The following KRTAP4-11 variants were observed in gnomAD, a reference collection of about 807,000 sequenced individuals.
KRTAP4-11 encodes the protein keratin-associated protein 4-11.
In KRTAP4-11, 3 loss-of-function variants were observed where a neutral mutation model predicts 3.4. The observed-to-expected ratio is 0.87, with a 90% confidence interval of 0.40 to 2.26. KRTAP4-11 has a LOEUF of 2.26. Ranked by LOEUF, KRTAP4-11 falls within the 30% of genes most tolerant of loss-of-function variation. KRTAP4-11 has a pLI of 0.05. For missense variants in KRTAP4-11, 248 were observed against 258.8 expected (o/e 0.96, Z 0.29); for synonymous variants, 94 against 89.4 (o/e 1.05, Z -0.29).
chr17:41,117,428 C>A lies in KRTAP4-11; in HGVS notation c.*300G>T. The A allele has an allele frequency of 1.9e-6, 1 of 539,508 alleles. No homozygotes were observed. Among genetic ancestry groups the A allele is most frequent in the East Asian group, 3.1e-5 (1 of 32,008 alleles). The allele number at this position is 539,508 out of a possible 1,614,324, so 33.4% of individuals were successfully genotyped here. ...CTCACTGGGAAGGATATTCTGTAGG[C>A]TCAAAACGATTTAAAAAATGAGGAA... On this transcript the variant is annotated 3_prime_UTR_variant, in exon 1 of 1. Coordinates refer to ENST00000391413, the MANE Select transcript of KRTAP4-11 (RefSeq NM_033059.4).
At position 41,117,203 on chromosome 17, in the gene KRTAP4-11, CA is replaced by C. The variant is rs1415439217; in HGVS notation, c.*524del. 1.3e-5 allele frequency: 2 copies of C among 155,718 alleles called. No individual in the cohort carries two copies. The highest frequency in any genetic ancestry group is 2.4e-5 in the African/African-American group (1 of 41,180). The allele number at this position is 155,718 out of a possible 1,614,324, so 9.6% of individuals were successfully genotyped here. On this transcript the variant is annotated 3_prime_UTR_variant, in exon 1 of 1. Coordinates refer to ENST00000391413, the MANE Select transcript of KRTAP4-11 (RefSeq NM_033059.4). ...AGATTTCTAAATGAAAAGTTTAATACAATATATTTTGTGAACACAATAAAGA... is the reference window on the plus strand; with the variant it reads ...AGATTTCTAAATGAAAAGTTTAATACATATATTTTGTGAACACAATAAAGA...
chr17:41,117,845 G>C lies in KRTAP4-11; in HGVS notation c.471C>G (p.Pro157=), dbSNP rs748725830. Residue 157 remains proline (P), a synonymous_variant, in exon 1 of 1, where the codon CCC becomes CCG. Transcript: ENST00000391413. ...PSCCESSCCR[P]CCCLRPVCGR... ...CACAGACTGGACGCAGGCAGCAGCA[G>C]GGGCGGCAGCAGCTGGATTCACAGC... 3.1e-6 allele frequency: 5 copies of C among 1,602,752 alleles called. No homozygotes were observed. Among genetic ancestry groups the C allele is most frequent in the Non-Finnish European group, 4.3e-6 (5 of 1,173,176 alleles).
In KRTAP4-11 at chr17:41,117,780, C is replaced by A. The variant is rs765159031; in HGVS notation, c.536G>T (p.Cys179Phe). 6.3e-7 allele frequency: 1 copy of A among 1,596,218 alleles called. No individual in the cohort carries two copies. ...GGGGCGGGGGCAGCTGGAGATGACA[C>A]AGGTTGGGCGATAGCAAGTGGTGTG... ...SCHTTCYRPTCVISSCPRPLC... is the reference protein window; with the variant it reads ...SCHTTCYRPTFVISSCPRPLC... The change falls in exon 1 of 1, where the codon TGT (cysteine) becomes TTT (phenylalanine). Residue 179 changes from cysteine (C) to phenylalanine (F), a missense_variant. Cys to Phe is a radical substitution (Grantham distance 205, BLOSUM62 -2). Around this residue, in one of 3 missense-constraint regions of KRTAP4-11, gnomAD observed 131 missense variants for 130.2 expected, o/e 1.01. Coordinates refer to ENST00000391413, the MANE Select transcript of KRTAP4-11 (RefSeq NM_033059.4).
rs753383539 is a variant in KRTAP4-11 at position 41,118,090 on chromosome 17, G to A, written c.226C>T (p.Arg76Cys). The change falls in exon 1 of 1, where the codon CGC (arginine) becomes TGC (cysteine). Residue 76 changes from arginine (R) to cysteine (C), a missense_variant. By Grantham distance (180) the Arg-to-Cys change is radical (BLOSUM62 -3). Transcript: ENST00000391413. The stretch of plus-strand genomic sequence containing the variant: ...CAGCTGGACACACAGCAGCTGGGGC[G>A]ACAGCAGCTGGAGATGCAGCATCTG... ...RPRCCISSCC[R>C]PSCCVSSCCK... 9.5e-6 allele frequency: 15 copies of A among 1,583,940 alleles called. No homozygotes were observed. The highest frequency in any genetic ancestry group is 2.3e-5 in the East Asian group (1 of 44,152).
chr17:41,117,666 C>A lies in KRTAP4-11; in HGVS notation c.*62G>T. The A allele has an allele frequency of 6.6e-7, 1 of 1,521,332 alleles. No individual in the cohort carries two copies. The highest frequency in any genetic ancestry group is 1.4e-5 in the African/African-American group (1 of 72,384). 94.2% of individuals were successfully genotyped at this position (1,521,332 alleles called of 1,614,324 possible). ...ACTCCATGTGTCCTAATAGTCAGCA[C>A]AGAAGAATGGTCTACAACTGTGGGC... On this transcript the variant is annotated 3_prime_UTR_variant, in exon 1 of 1. Coordinates refer to ENST00000391413, the MANE Select transcript of KRTAP4-11 (RefSeq NM_033059.4).
In KRTAP4-11 at chr17:41,117,956, GCAGCAGCTGGACACA is replaced by G. The variant is rs1220992049; in HGVS notation, c.345_359del (p.Val116_Cys120del). ...ACACAGACTGGCAGCACTGGGGTCT[GCAGCAGCTGGACACA>G]CAGCAGCTGGGGCGACAGCAGCTGG... On this transcript the variant is annotated inframe_deletion, in exon 1 of 1. Coordinates refer to ENST00000391413, the MANE Select transcript of KRTAP4-11 (RefSeq NM_033059.4). 2.0e-6 allele frequency: 3 copies of G among 1,505,390 alleles called. No homozygotes were observed. The highest frequency in any genetic ancestry group is 1.4e-5 in the African/African-American group (1 of 69,690). The allele number at this position is 1,505,390 out of a possible 1,614,324, so 93.3% of individuals were successfully genotyped here.
chr17:41,117,678 C>A lies in KRTAP4-11; in HGVS notation c.*50G>T. 2 of 1,535,040 alleles carry A rather than the reference C, an allele frequency of 1.3e-6. No homozygotes were observed. The highest frequency in any genetic ancestry group is 1.8e-6 in the Non-Finnish European group (2 of 1,138,564). ...CTAATAGTCAGCACAGAAGAATGGT[C>A]TACAACTGTGGGCCTGCAGTGAAGG... is the stretch of plus-strand genomic sequence containing the variant. On this transcript the variant is annotated 3_prime_UTR_variant, in exon 1 of 1. Coordinates refer to ENST00000391413, the MANE Select transcript of KRTAP4-11 (RefSeq NM_033059.4).
Position 41,118,289 on chromosome 17 carries a change from C to T in KRTAP4-11, c.27G>A (p.Val9=). The T allele has an allele frequency of 1.2e-6, 2 of 1,608,904 alleles. No homozygotes were observed. Among genetic ancestry groups the T allele is most frequent in the Middle Eastern group, 3.3e-4 (2 of 6,036 alleles). The change falls in exon 1 of 1, where the codon GTG becomes GTA. Residue 9 remains valine, a synonymous_variant. Transcript: ENST00000391413. MVNSCCGS[V]CSHQGCGRDL... ...CTCGGCCACAGCCTTGGTGAGAGCACACGGAGCCACAACAGGAGTTTACCA... is the reference window on the plus strand; with the variant it reads ...CTCGGCCACAGCCTTGGTGAGAGCATACGGAGCCACAACAGGAGTTTACCA...
Position 41,118,194 on chromosome 17 carries a change from C to A in KRTAP4-11, c.122G>T (p.Arg41Leu). 1.2e-6 allele frequency: 2 copies of A among 1,610,258 alleles called. No individual in the cohort carries two copies. Among genetic ancestry groups the A allele is most frequent in the East Asian group, 4.5e-5 (2 of 44,688 alleles). Reference sequence around the variant, plus strand: ...GCAGCTGGACACACAGCAGCTGGGGCGACAGTAGGTGGTCCTGCAGCAGGT... The same window carrying A: ...GCAGCTGGACACACAGCAGCTGGGGAGACAGTAGGTGGTCCTGCAGCAGGT... ...ETTCCRTTYC[R>L]PSCCVSSCCR... Residue 41 changes from arginine (R) to leucine (L), a missense_variant, in exon 1 of 1, where the codon CGC becomes CTC. Physicochemically the swap from Arg to Leu is moderately radical, Grantham distance 102 (BLOSUM62 -2). Around this residue, in one of 3 missense-constraint regions of KRTAP4-11, gnomAD observed 110 missense variants for 102.8 expected, o/e 1.07. Transcript: ENST00000391413.
In KRTAP4-11 at chr17:41,117,532, A is replaced by G. The variant is rs2014302399; in HGVS notation, c.*196T>C. The G allele has an allele frequency of 1.0e-5, 9 of 892,240 alleles. No individual in the cohort carries two copies. The highest frequency in any genetic ancestry group is 1.3e-5 in the Non-Finnish European group (8 of 600,240). 55.3% of individuals were successfully genotyped at this position (892,240 alleles called of 1,614,324 possible). On this transcript the variant is annotated 3_prime_UTR_variant, in exon 1 of 1. Transcript: ENST00000391413. ...TGGTGCCATGACTGGAAGAGAAAGAAAGCAAGGGAGGGAGTTTAAAATGAA... is the reference window on the plus strand; with the variant it reads ...TGGTGCCATGACTGGAAGAGAAAGAGAGCAAGGGAGGGAGTTTAAAATGAA...
At position 41,117,657 on chromosome 17, in the gene KRTAP4-11, TAGTC is replaced by T. The variant is rs2014305331; in HGVS notation, c.*67_*70del. On this transcript the variant is annotated 3_prime_UTR_variant, in exon 1 of 1. Transcript: ENST00000391413. Reference sequence around the variant, plus strand: ...ATCAATCCCACTCCATGTGTCCTAATAGTCAGCACAGAAGAATGGTCTACAACTG... The same window carrying T: ...ATCAATCCCACTCCATGTGTCCTAATAGCACAGAAGAATGGTCTACAACTG... 6.6e-7 allele frequency: 1 copy of T among 1,510,358 alleles called. No individual in the cohort carries two copies. Among genetic ancestry groups the T allele is most frequent in the Non-Finnish European group, 8.9e-7 (1 of 1,125,138 alleles). The allele number at this position is 1,510,358 out of a possible 1,614,324, so 93.6% of individuals were successfully genotyped here. A position where few individuals can be genotyped will look rare whatever the true frequency, so the allele number is the denominator to read the frequency against.
In KRTAP4-11 at chr17:41,117,941, G is replaced by A; in HGVS notation, c.375C>T (p.Cys125=). ...CVSSCCRPQC[C]QSVCCQPTCC... ...AGGTGGGCTGGCAGCACACAGACTGGCAGCACTGGGGTCTGCAGCAGCTGG... is the reference window on the plus strand; with the variant it reads ...AGGTGGGCTGGCAGCACACAGACTGACAGCACTGGGGTCTGCAGCAGCTGG... The change falls in exon 1 of 1, where the codon TGC becomes TGT. Residue 125 remains cysteine (C), a synonymous_variant. Coordinates refer to ENST00000391413, the MANE Select transcript of KRTAP4-11 (RefSeq NM_033059.4). The A allele has an allele frequency of 6.4e-7, 1 of 1,554,060 alleles. No individual in the cohort carries two copies. Among genetic ancestry groups the A allele is most frequent in the South Asian group, 1.2e-5 (1 of 84,052 alleles).
In KRTAP4-11 at chr17:41,118,186, A is replaced by G. The variant is rs761546690; in HGVS notation, c.130T>C (p.Cys44Arg). The change falls in exon 1 of 1, where the codon TGC becomes CGC. Residue 44 changes from cysteine (C) to arginine (R), a missense_variant. Physicochemically the swap from Cys to Arg is radical, Grantham distance 180 (BLOSUM62 -3). Transcript: ENST00000391413. ...GGCCTGCAGCAGCTGGACACACAGC[A>G]GCTGGGGCGACAGTAGGTGGTCCTG... Reference protein sequence around the residue: ...CCRTTYCRPSCCVSSCCRPQC... With the variant: ...CCRTTYCRPSRCVSSCCRPQC... The G allele has an allele frequency of 9.9e-6, 16 of 1,610,924 alleles. No homozygotes were observed. Among genetic ancestry groups the G allele is most frequent in the Admixed American group, 3.3e-5 (2 of 59,882 alleles).
chr17:41,117,928 A>T lies in KRTAP4-11; in HGVS notation c.388T>A (p.Cys130Ser). 1 of 1,600,754 alleles carries T rather than the reference A, an allele frequency of 6.2e-7. No homozygotes were observed. The highest frequency in any genetic ancestry group is 8.5e-7 in the Non-Finnish European group (1 of 1,173,536). The change falls in exon 1 of 1, where the codon TGC (cysteine) becomes AGC (serine). Residue 130 changes from cysteine (C) to serine (S), a missense_variant. Coordinates refer to ENST00000391413, the MANE Select transcript of KRTAP4-11 (RefSeq NM_033059.4). ...CRPQCCQSVC[C>S]QPTCCHPSCS... ...CTGGGGTGGCAGCAGGTGGGCTGGCAGCACACAGACTGGCAGCACTGGGGT... is the reference window on the plus strand; with the variant it reads ...CTGGGGTGGCAGCAGGTGGGCTGGCTGCACACAGACTGGCAGCACTGGGGT...
Position 41,117,524 on chromosome 17 carries a change from G to A in KRTAP4-11, c.*204C>T, listed in dbSNP as rs2014302289. ...TTCATATTTGGTGCCATGACTGGAAGAGAAAGAAAGCAAGGGAGGGAGTTT... is the reference window on the plus strand; with the variant it reads ...TTCATATTTGGTGCCATGACTGGAAAAGAAAGAAAGCAAGGGAGGGAGTTT... On this transcript the variant is annotated 3_prime_UTR_variant, in exon 1 of 1. Coordinates refer to ENST00000391413, the MANE Select transcript of KRTAP4-11 (RefSeq NM_033059.4). 2.4e-6 allele frequency: 2 copies of A among 823,286 alleles called. No homozygotes were observed. The highest frequency in any genetic ancestry group is 2.7e-5 in the East Asian group (1 of 36,626). The allele number at this position is 823,286 out of a possible 1,614,324, so 51.0% of individuals were successfully genotyped here.
At position 41,117,746 on chromosome 17, in the gene KRTAP4-11, A is replaced by G. The variant is rs150942763; in HGVS notation, c.570T>C (p.Cys190=). The G allele has an allele frequency of 0.024, 36,796 of 1,555,188 alleles. 1,457 individuals are homozygous for G. The highest frequency in any genetic ancestry group is 0.16 in the East Asian group (6,938 of 42,430). The change falls in exon 1 of 1, where the codon TGT becomes TGC. Residue 190 remains cysteine, a synonymous_variant. Transcript: ENST00000391413. ...VISSCPRPLC[C]ASSCC ...AGTGGGCTCAGCAGCAAGAGGAGGC[A>G]CAGCACAAGGGGCGGGGGCAGCTGG...
Position 41,118,269 on chromosome 17 carries a change from C to A in KRTAP4-11, c.47G>T (p.Gly16Val). The A allele has an allele frequency of 6.2e-7, 1 of 1,612,812 alleles. No homozygotes were observed. The highest frequency in any genetic ancestry group is 8.5e-7 in the Non-Finnish European group (1 of 1,179,496). ...GCAGGTCTCCTGGCAGAGGTCTCGG[C>A]CACAGCCTTGGTGAGAGCACACGGA... ...CGSVCSHQGC[G>V]RDLCQETCCR... is the part of the protein sequence containing the mutation. Residue 16 changes from glycine (G) to valine (V), a missense_variant, in exon 1 of 1, where the codon GGC (glycine) becomes GTC (valine). Transcript: ENST00000391413.
chr17:41,117,825 A>T lies in KRTAP4-11; in HGVS notation c.491T>A (p.Val164Asp), dbSNP rs762767920. The change falls in exon 1 of 1, where the codon GTC (valine) becomes GAC (aspartate). Residue 164 changes from valine (V) to aspartate (D), a missense_variant. Transcript: ENST00000391413. ...CCRPCCCLRPVCGRVSCHTTC... is the reference protein window; with the variant it reads ...CCRPCCCLRPDCGRVSCHTTC... ...GGTGTGGCAGGAGACTCGGCCACAG[A>T]CTGGACGCAGGCAGCAGCAGGGGCG... 9 of 1,605,554 alleles carry T rather than the reference A, an allele frequency of 5.6e-6. No individual in the cohort carries two copies. In the South Asian group the frequency reaches 8.8e-5, roughly 16 times the overall value.
Position 41,118,126 on chromosome 17 carries a change from A to T in KRTAP4-11, c.190T>A (p.Cys64Ser). 1 of 1,561,564 alleles carries T rather than the reference A, an allele frequency of 6.4e-7. No individual in the cohort carries two copies. The highest frequency in any genetic ancestry group is 1.2e-5 in the South Asian group (1 of 85,904). ...CCQSVCCQPTCCRPRCCISSC... is the reference protein window; with the variant it reads ...CCQSVCCQPTSCRPRCCISSC... ...GAGATGCAGCATCTGGGGCGGCAGC[A>T]GGTGGGCTGGCAGCACACAGACTGG... The change falls in exon 1 of 1, where the codon TGC becomes AGC. Residue 64 changes from cysteine (C) to serine (S), a missense_variant. Transcript: ENST00000391413.
Sources: allele counts gnomAD v4.1 joint callset, GRCh38; gene constraint gnomAD v4.1.1; regional missense constraint gnomAD v4.1.1; transcripts MANE v1.5; gene names NCBI Gene and HGNC (gene_info 2026-07-23, HGNC 2026-07-21).